Variants in LRRC4C observed in about 807,000 individuals in gnomAD.
LRRC4C encodes the protein leucine rich repeat containing 4C, also known as leucine-rich repeat-containing protein 4C.
A neutral mutation model predicts 33.6 loss-of-function variants in LRRC4C; 5 were observed. The ratio of observed to expected loss-of-function variants is 0.15; its 90% CI spans 0.08 to 0.31. The LOEUF (loss-of-function observed/expected upper bound fraction) is 0.31, where lower values mean the gene tolerates loss of function less well. LRRC4C is among the 10% of genes least tolerant of loss of function. The probability of loss-of-function intolerance (pLI) is 1.00; values close to 1 mark genes in which losing one functional copy is unlikely to be tolerated. For missense variants in LRRC4C, 560 were observed against 796.7 expected (o/e 0.70, Z 3.58); for synonymous variants, 329 against 302.0 (o/e 1.09, Z -0.93).
At chr11:41,254,749 C>T (rs1049225717) in intron 1 of LRRC4C, among the ~76,000 whole-genome samples, 1 of 152,032 alleles carries the variant, frequency 6.6e-6, no homozygotes, top group Non-Finnish European at 1.5e-5. Flanking sequence ...CCACCTGCTC[C>T]ATGGCATAGA....
intron 1 of LRRC4C, among the ~76,000 whole-genome samples, chr11:41,344,674 ATTAT>A (rs1023311868): frequency 2.0e-5 from 3 of 152,238 alleles, no homozygotes; most frequent in African/African-American, 7.2e-5. Flanking sequence ...CATGGACAAG[ATTAT>A]TTAAGATTTT....
chr11:40,714,528 T>C (rs1263890822), intron 2 of LRRC4C, among the ~76,000 whole-genome samples: 1 of 152,222 alleles, frequency 6.6e-6, no homozygotes, highest in Non-Finnish European at 1.5e-5. Context: ...AAGAAAAAGC[T>C]ATTTGATGTA....
At chr11:41,072,291 T>G (rs1324892404) in intron 1 of LRRC4C, among the ~76,000 whole-genome samples, 2 of 622 alleles carry the variant, frequency 3.2e-3, no homozygotes, top group African/African-American at 3.4e-3. Context: ...TTGAAGACCC[T>G]CCACTGGCAA....
At chr11:40,534,196 C>T (rs1269141241) in intron 3 of LRRC4C, among the ~76,000 whole-genome samples, 2 of 152,076 alleles carry the variant, frequency 1.3e-5, no homozygotes, top group Non-Finnish European at 2.9e-5. Flanking sequence ...ACTCTTAGCA[C>T]ATGACCTGTC....
At chr11:40,745,552 C>G (rs1591611794) in intron 2 of LRRC4C, among the ~76,000 whole-genome samples, 1 of 152,146 alleles carries the variant, frequency 6.6e-6, no homozygotes. Flanking sequence ...CTGGGTGGGA[C>G]ATATGGCAGA....
At chr11:41,425,909 G>C (rs1474797232) in intron 1 of LRRC4C, among the ~76,000 whole-genome samples, 1 of 152,072 alleles carries the variant, frequency 6.6e-6, no homozygotes, top group Non-Finnish European at 1.5e-5. Context: ...CTTTTAGATA[G>C]AGCCCAATTT....
intron 1 of LRRC4C, among the ~76,000 whole-genome samples, chr11:41,213,690 A>G (rs1216348065): frequency 4.6e-5 from 7 of 152,368 alleles, no homozygotes; most frequent in Middle Eastern, 3.4e-3. Flanking sequence ...CATGCATGTT[A>G]TAACAGATAA....
chr11:40,423,996 TG>T (rs1175463777), intron 3 of LRRC4C, among the ~76,000 whole-genome samples: 4 of 152,198 alleles, frequency 2.6e-5, no homozygotes, highest in Non-Finnish European at 5.9e-5. Context: ...TATATGTATA[TG>T]GTATACATAT....
chr11:40,302,581 G>A (rs1944826601), intron 4 of LRRC4C, among the ~76,000 whole-genome samples: 1 of 151,946 alleles, frequency 6.6e-6, no homozygotes, highest in Admixed American at 6.6e-5. Flanking sequence ...ACCTTAAGCA[G>A]TTCCCTTCTC....
Position 40,878,750 on chromosome 11 carries a change from T to C in LRRC4C, c.-407+54885A>G, listed in dbSNP as rs376277900. 2.8e-4 allele frequency among the ~76,000 whole-genome samples: 43 copies of C among 152,342 alleles called. 1 individual carries two copies. The East Asian group carries it at 7.9e-3, about 28-fold the overall frequency. On this transcript the variant is annotated intron_variant, in intron 2 of 6. Transcript: ENST00000528697. ...ACCTTGATCACTTTTGGAGAAATTA[T>C]GTTATATCAGATTATTAGCACTGCT...
In LRRC4C at chr11:40,685,475, G is replaced by T. The variant is rs923748475; in HGVS notation, c.-406-37197C>A. Among the ~76,000 whole-genome samples, 3 of 151,898 alleles carry T rather than the reference G, an allele frequency of 2.0e-5. No individual in the cohort carries two copies. The South Asian group carries it at 6.2e-4, about 32-fold the overall frequency. ...AGATTTAAGGTGGGCAAGCTGAATA[G>T]ATCTAAAGAGAATATTTATAGAAAA... is the stretch of plus-strand genomic sequence containing the variant. On this transcript the variant is annotated intron_variant, in intron 2 of 6. Transcript: ENST00000528697.
chr11:40,165,905 A>G (rs1565077823), intron 5 of LRRC4C, among the ~76,000 whole-genome samples: 1 of 152,178 alleles, frequency 6.6e-6, no homozygotes, highest in Non-Finnish European at 1.5e-5. Flanking sequence ...AGATGGTGCC[A>G]TTGCACTCCA....
chr11:40,969,533 TA>T (rs1234459323), intron 1 of LRRC4C, among the ~76,000 whole-genome samples: 1 of 151,930 alleles, frequency 6.6e-6, no homozygotes, highest in Non-Finnish European at 1.5e-5. Flanking sequence ...TGTCTTCTTT[TA>T]AAAAATTACC....
chr11:40,684,515 A>C (rs1299316725), intron 2 of LRRC4C, among the ~76,000 whole-genome samples: 1 of 152,030 alleles, frequency 6.6e-6, no homozygotes, highest in Non-Finnish European at 1.5e-5. Context: ...ATATATCTAA[A>C]ATAATTTCAT....
intron 2 of LRRC4C, among the ~76,000 whole-genome samples, chr11:40,773,005 A>T (rs1949824523): frequency 6.6e-6 from 1 of 152,216 alleles, no homozygotes; most frequent in Admixed American, 6.5e-5. Flanking sequence ...TACACAATGG[A>T]GTACCATTCA....
intron 1 of LRRC4C, among the ~76,000 whole-genome samples, chr11:41,135,783 C>A (rs561310827): frequency 6.6e-6 from 1 of 152,146 alleles, no homozygotes; most frequent in East Asian, 1.9e-4. Flanking sequence ...GGAATAATAC[C>A]AATAGAATGC....
chr11:40,491,076 G>A (rs1188749381), intron 3 of LRRC4C, among the ~76,000 whole-genome samples: 1 of 152,064 alleles, frequency 6.6e-6, no homozygotes, highest in Admixed American at 6.6e-5. Flanking sequence ...TTGAGGCCAG[G>A]AGTAGAGACC....
At chr11:40,390,550 A>G (rs1949294415) in intron 3 of LRRC4C, among the ~76,000 whole-genome samples, 1 of 152,216 alleles carries the variant, frequency 6.6e-6, no homozygotes. Context: ...ACTGTGTGCT[A>G]GGTGATATAT....
rs33911904 is a variant in LRRC4C, at chr11:40,463,305, GGTGTGTGTGTGTGTGT to G, written c.-269-143600_-269-143585del. ...GATATAGGTGTGCGTATGTGTTACTGGTGTGTGTGTGTGTGTGTGTGTGTGTGTGTGTGTGTGTGGT... is the reference window on the plus strand; with the variant it reads ...GATATAGGTGTGCGTATGTGTTACTGGTGTGTGTGTGTGTGTGTGTGTGGT... On this transcript the variant is annotated intron_variant, in intron 3 of 6. Transcript: ENST00000528697. Among the ~76,000 whole-genome samples, 689 of 144,592 alleles carry G rather than the reference GGTGTGTGTGTGTGTGT, an allele frequency of 4.8e-3. 3 individuals carry two copies. Among genetic ancestry groups the G allele is most frequent in the Non-Finnish European group, 6.7e-3 (442 of 65,618 alleles). 94.9% of individuals were successfully genotyped at this position (144,592 alleles called of 152,430 possible). A position where few individuals can be genotyped will look rare whatever the true frequency, so the allele number is the denominator to read the frequency against.
Sources: gnomAD v4.1 joint callset for allele counts (sites outside exome capture counted in the v4.1 genomes callset) on GRCh38, gnomAD v4.1.1 for gene constraint, MANE v1.5 for transcripts, NCBI Gene and HGNC (gene_info 2026-07-23, HGNC 2026-07-21) for gene names.